The following ADCY10 variants were observed in gnomAD, a reference collection of about 807,000 sequenced individuals.
The protein encoded by ADCY10 is adenylate cyclase type 10.
In ADCY10, 156 loss-of-function variants were observed where a neutral mutation model predicts 183.3. That is an observed-to-expected ratio of 0.85 (90% CI 0.75 to 0.97). The LOEUF (loss-of-function observed/expected upper bound fraction) is 0.97, where lower values mean the gene tolerates loss of function less well. ADCY10 is among the 50% of genes least tolerant of loss of function. The pLI is 0.00. For synonymous variants in ADCY10, 645 were observed against 670.0 expected, an observed-to-expected ratio of 0.96 and a Z score of 0.58; for missense variants, 1,745 against 1,934.3, an observed-to-expected ratio of 0.90 and a Z score of 1.84.
intron 21 of ADCY10, among the ~76,000 whole-genome samples, chr1:167,842,265 G>A (rs1664704698): frequency 6.6e-6 from 1 of 152,084 alleles, no homozygotes; most frequent in Non-Finnish European, 1.5e-5. Context: ...TCAACTTCCT[G>A]AGAAACTGGG....
chr1:167,884,911 T>G (rs1214327897), intron 8 of ADCY10, among the ~76,000 whole-genome samples: 2 of 152,158 alleles, frequency 1.3e-5, no homozygotes, highest in Non-Finnish European at 2.9e-5. Context: ...TTAGTCAGAC[T>G]GGTCTCGAAC....
At position 167,823,054 on chromosome 1, in the gene ADCY10, G is replaced by A; in HGVS notation, c.4122C>T (p.Ser1374=). The A allele has an allele frequency of 6.2e-7, 1 of 1,614,164 alleles. No individual in the cohort carries two copies. Among genetic ancestry groups the A allele is most frequent in the South Asian group, 1.1e-5 (1 of 91,086 alleles). Residue 1374 remains serine (S), a synonymous_variant, in exon 29 of 33, where the codon AGC becomes AGT. Coordinates refer to ENST00000367851, the MANE Select transcript of ADCY10 (RefSeq NM_018417.6). ...AGCAGACAAAATAGAAAAATGCCTT[G>A]CTGAAGATGTGTTCCTGTGTTACAG... ...ELSVTQEHIF[S]KAFFYFVCLD...
rs1447220769 is a variant in ADCY10 at position 167,892,780 on chromosome 1, C to T, written c.828+1073G>A. Reference sequence around the variant, plus strand: ...TGTTACAAAGATTTCCTCCAGGACACAACAGCATTTTGATGGGACTAAGTA... The same window carrying T: ...TGTTACAAAGATTTCCTCCAGGACATAACAGCATTTTGATGGGACTAAGTA... On this transcript the variant is annotated intron_variant, in intron 8 of 32. Coordinates refer to ENST00000367851, the MANE Select transcript of ADCY10 (RefSeq NM_018417.6). Among the ~76,000 whole-genome samples, 6 of 152,178 alleles carry T rather than the reference C, an allele frequency of 3.9e-5. No individual in the cohort carries two copies. In the East Asian group the frequency reaches 1.2e-3, roughly 29 times the overall value.
rs562912200 is a variant in ADCY10, at chr1:167,858,193, A to G, written c.1896+1614T>C. On this transcript the variant is annotated intron_variant, in intron 16 of 32. Transcript: ENST00000367851. ...AATAGTGATATGGAAATGTTAAGAG[A>G]CTCTCTGTTCTTAAGAAGCTCACAG... 3.3e-5 allele frequency among the ~76,000 whole-genome samples: 5 copies of G among 151,882 alleles called. No homozygotes were observed. In the East Asian group the frequency reaches 9.7e-4, roughly 29 times the overall value.
intron 23 of ADCY10, among the ~76,000 whole-genome samples, chr1:167,835,310 TTA>T (rs1488564584): frequency 6.6e-6 from 1 of 152,122 alleles, no homozygotes; most frequent in Non-Finnish European, 1.5e-5. Context: ...CTGAACAGAT[TTA>T]TATATATATC....
At chr1:167,825,597 T>C (rs1006385112) in intron 26 of ADCY10, among the ~76,000 whole-genome samples, 3 of 152,034 alleles carry the variant, frequency 2.0e-5, no homozygotes, top group African/African-American at 7.2e-5. Flanking sequence ...GCCTGGGCAA[T>C]ATAGTGAGAC....
intron 22 of ADCY10, 54 bp from the exon 23 acceptor site, chr1:167,836,594 T>C (rs2101919657): frequency 7.7e-7 from 1 of 1,306,442 alleles, no homozygotes; most frequent in Non-Finnish European, 1.1e-6. Context: ...ACTTTTGATA[T>C]TAAAATATCT....
At chr1:167,818,782 A>G (rs1425560531) in intron 30 of ADCY10, among the ~76,000 whole-genome samples, 2 of 152,028 alleles carry the variant, frequency 1.3e-5, no homozygotes, top group African/African-American at 4.8e-5. Flanking sequence ...CAGGTGATCC[A>G]CCCGCCTTGG....
At chr1:167,908,052 C>T (rs1156822551) in intron 1 of ADCY10, among the ~76,000 whole-genome samples, 3 of 152,204 alleles carry the variant, frequency 2.0e-5, no homozygotes, top group African/African-American at 7.2e-5. Context: ...CTAACAATCC[C>T]ACATCTGGGT....
intron 17 of ADCY10, 138 bp downstream of exon 17, chr1:167,856,027 G>GA (rs1665863641): frequency 2.0e-6 from 2 of 999,402 alleles, no homozygotes; most frequent in African/African-American, 1.6e-5. Context: ...AAAAAGAAAA[G>GA]AAAAATTTTT....
chr1:167,819,887 T>G, intron 30 of ADCY10: 1 of 887,634 alleles, frequency 1.1e-6, no homozygotes, highest in Admixed American at 2.0e-5. Flanking sequence ...AGCCAAATAT[T>G]TAAAGCCAAA....
rs542281006 is a variant in ADCY10, at chr1:167,880,402, C to A, written c.1139+89G>T. 5.4e-5 allele frequency: 59 copies of A among 1,082,648 alleles called. No individual in the cohort carries two copies. The East Asian group carries it at 1.2e-3, about 23-fold the overall frequency. 67.1% of individuals were successfully genotyped at this position (1,082,648 alleles called of 1,614,324 possible). A position where few individuals can be genotyped will look rare whatever the true frequency, so the allele number is the denominator to read the frequency against. ...CACAGGACTAAGTTCTTAATTAATT[C>A]TTCTTTCTTTCCTGTTCCCTGCATG... On this transcript the variant is annotated intron_variant, in intron 10 of 32. Coordinates refer to ENST00000367851, the MANE Select transcript of ADCY10 (RefSeq NM_018417.6).
chr1:167,840,418 G>A (rs1258659136), intron 21 of ADCY10, among the ~76,000 whole-genome samples: 1 of 150,546 alleles, frequency 6.6e-6, no homozygotes, highest in African/African-American at 2.5e-5. Context: ...GCGCAGTGGT[G>A]CAATCTTAGC....
intron 19 of ADCY10, among the ~76,000 whole-genome samples, chr1:167,846,533 T>C (rs1439446282): frequency 6.6e-6 from 1 of 152,182 alleles, no homozygotes; most frequent in Non-Finnish European, 1.5e-5. Flanking sequence ...TGTTCTGATT[T>C]TGTGCTAAAG....
intron 16 of ADCY10, among the ~76,000 whole-genome samples, chr1:167,858,102 A>G (rs758688834): frequency 2.6e-5 from 4 of 152,214 alleles, no homozygotes; most frequent in Non-Finnish European, 5.9e-5. Context: ...TATTATAAAT[A>G]TAATACAATG....
At position 167,903,990 on chromosome 1, in the gene ADCY10, A is replaced by G. The variant is rs1247173567; in HGVS notation, c.150T>C (p.Gly50=). 6.2e-7 allele frequency: 1 copy of G among 1,608,936 alleles called. No individual in the cohort carries two copies. Among genetic ancestry groups the G allele is most frequent in the Non-Finnish European group, 8.5e-7 (1 of 1,175,782 alleles). Residue 50 remains glycine (G), a splice_region_variant and synonymous_variant, in exon 3 of 33, where the codon GGT becomes GGC. Transcript: ENST00000367851. ...TGAACTTCTCAGTCATTGCAGTAAA[A>G]CCTGGAATAAATGTGCAGCTGGTTT... ...DGVLMFVDIS[G]FTAMTEKFSS... is the part of the protein sequence containing the mutation.
chr1:167,891,463 T>C (rs1165503491), intron 8 of ADCY10, among the ~76,000 whole-genome samples: 1 of 151,544 alleles, frequency 6.6e-6, no homozygotes, highest in African/African-American at 2.4e-5. Context: ...GAGACCATCC[T>C]GGCTAACACG....
At position 167,880,143 on chromosome 1, in the gene ADCY10, A is replaced by G; in HGVS notation, c.1188T>C (p.Val396=). Residue 396 remains valine (V), a synonymous_variant, in exon 11 of 33, where the codon GTT becomes GTC. Coordinates refer to ENST00000367851, the MANE Select transcript of ADCY10 (RefSeq NM_018417.6). ...TGTACTCGTGTCTCACAGTGTGTCCAACGATCCCACAGAAGACAATCCCAC... is the reference window on the plus strand; with the variant it reads ...TGTACTCGTGTCTCACAGTGTGTCCGACGATCCCACAGAAGACAATCCCAC... The part of the protein sequence containing the change: ...VASGIVFCGI[V]GHTVRHEYTV... The G allele has an allele frequency of 6.2e-7, 1 of 1,613,346 alleles. No homozygotes were observed. The highest frequency in any genetic ancestry group is 1.3e-5 in the African/African-American group (1 of 75,038).
At chr1:167,810,688 GC>G (rs757824513) in intron 32 of ADCY10, 36 bp downstream of exon 32, 88 of 1,602,716 alleles carry the variant, frequency 5.5e-5, no homozygotes, top group Middle Eastern at 3.3e-4. Flanking sequence ...ATATGGGTGA[GC>G]ATCGCCACCC....
Sources: gnomAD v4.1 joint callset for allele counts (sites outside exome capture counted in the v4.1 genomes callset) on GRCh38, gnomAD v4.1.1 for gene constraint, MANE v1.5 for transcripts, NCBI Gene and HGNC (gene_info 2026-07-23, HGNC 2026-07-21) for gene names.